Variants in PTPRQ observed in about 807,000 individuals in gnomAD.
PTPRQ encodes the protein phosphatidylinositol phosphatase PTPRQ.
In PTPRQ, 199 loss-of-function variants were observed where a neutral mutation model predicts 246.0. The ratio of observed to expected loss-of-function variants is 0.81; its 90% CI spans 0.72 to 0.91. The LOEUF is 0.91. Ranked by LOEUF, PTPRQ falls within the 40% of genes least tolerant of loss-of-function variation. The pLI, the probability that PTPRQ is intolerant of heterozygous loss-of-function variation, is 0.00. For missense variants in PTPRQ, 2,624 were observed against 2,528.4 expected (o/e 1.04, Z -0.81); for synonymous variants, 869 against 853.2 (o/e 1.02, Z -0.32).
chr12:80,472,154 C>T lies in PTPRQ; in HGVS notation c.1089C>T (p.Asn363=), dbSNP rs1489289849. 1.9e-6 allele frequency: 3 copies of T among 1,551,612 alleles called. No individual in the cohort carries two copies. The highest frequency in any genetic ancestry group is 2.6e-6 in the Non-Finnish European group (3 of 1,146,956). ...STKDLKFAFT[N]LTPFTMYDVY... is the part of the protein sequence containing the mutation. ...AAGACCTCAAGTTTGCATTCACTAA[C>T]CTAACACCATTTACAATGTATGATG... The change falls in exon 8 of 45, where the codon AAC becomes AAT. Residue 363 remains asparagine, a synonymous_variant. Transcript: ENST00000644991.
At chr12:80,629,724 A>G (rs1899350169) in intron 33 of PTPRQ, among the ~76,000 whole-genome samples, 1 of 152,164 alleles carries the variant, frequency 6.6e-6, no homozygotes, top group Non-Finnish European at 1.5e-5. Flanking sequence ...CCTTGCTTGT[A>G]TGTTGAAAAT....
chr12:80,661,266 T>A lies in PTPRQ; in HGVS notation c.6192+3205T>A, dbSNP rs1304037136. Among the ~76,000 whole-genome samples, 4 of 149,164 alleles carry A rather than the reference T, an allele frequency of 2.7e-5. No homozygotes were observed. The South Asian group carries it at 6.2e-4, about 23-fold the overall frequency. On this transcript the variant is annotated intron_variant, in intron 39 of 44. Transcript: ENST00000644991. ...GTGTATACATAAATATATTTGTATA[T>A]GTGTATATACAGTTATATTTTATAT...
intron 20 of PTPRQ, among the ~76,000 whole-genome samples, chr12:80,540,804 C>T (rs1382809504): frequency 6.6e-6 from 1 of 152,066 alleles, no homozygotes; most frequent in Non-Finnish European, 1.5e-5. Flanking sequence ...AATATATGAT[C>T]AATACCATTT....
intron 33 of PTPRQ, among the ~76,000 whole-genome samples, chr12:80,630,294 G>A (rs1255550866): frequency 2.0e-5 from 3 of 151,896 alleles, no homozygotes; most frequent in Non-Finnish European, 4.4e-5. Flanking sequence ...TTGTCACGTA[G>A]GAAGTCCCAT....
intron 25 of PTPRQ, among the ~76,000 whole-genome samples, chr12:80,562,951 G>A (rs1056734735): frequency 6.6e-6 from 1 of 151,660 alleles, no homozygotes; most frequent in African/African-American, 2.4e-5. Flanking sequence ...AAAAAAATAA[G>A]AGAATACTAC....
At chr12:80,670,530 G>A (rs1416020233) in intron 42 of PTPRQ, 38 bp downstream of exon 42, 1 of 1,426,452 alleles carries the variant, frequency 7.0e-7, no homozygotes, top group Non-Finnish European at 9.2e-7. Context: ...GAACCCATTG[G>A]TCTTTTTATT....
At position 80,549,624 on chromosome 12, in the gene PTPRQ, C is replaced by T. The variant is rs1316785779; in HGVS notation, c.4175C>T (p.Thr1392Ile). 1.9e-6 allele frequency: 3 copies of T among 1,551,114 alleles called. No individual in the cohort carries two copies. The African/African-American group carries it at 4.1e-5, about 21-fold the overall frequency. The part of the protein sequence containing the change: ...TKVSPQDHMY[T>I]FIKLLANTSY... ...GTTTCTCCCCAAGATCACATGTACA[C>T]TTTCATAAAGCTTCTTGCCAATACC... The change falls in exon 25 of 45, where the codon ACT (threonine) becomes ATT (isoleucine). Residue 1392 changes from threonine (T) to isoleucine (I), a missense_variant. Physicochemically the swap from Thr to Ile is moderately conservative, Grantham distance 89. Coordinates refer to ENST00000644991, the MANE Select transcript of PTPRQ (RefSeq NM_001145026.2).
At chr12:80,669,250 G>T (rs1320997057) in intron 40 of PTPRQ, 89 bp from the exon 41 acceptor site, 2 of 1,528,076 alleles carry the variant, frequency 1.3e-6, no homozygotes, top group South Asian at 2.5e-5. Flanking sequence ...CATCTATAAA[G>T]TAATTTTAAC....
intron 3 of PTPRQ, among the ~76,000 whole-genome samples, chr12:80,450,304 A>C (rs1892711833): frequency 6.6e-6 from 1 of 152,154 alleles, no homozygotes; most frequent in Non-Finnish European, 1.5e-5. Flanking sequence ...TTCTAGATAT[A>C]CAATCATGTC....
At chr12:80,571,134 C>T (rs1216129140) in intron 25 of PTPRQ, among the ~76,000 whole-genome samples, 1 of 152,072 alleles carries the variant, frequency 6.6e-6, no homozygotes, top group Non-Finnish European at 1.5e-5. Flanking sequence ...TCAATGGTAG[C>T]TTCAAGGGGG....
At chr12:80,623,115 C>T (rs897126375) in intron 33 of PTPRQ, among the ~76,000 whole-genome samples, 2 of 152,048 alleles carry the variant, frequency 1.3e-5, no homozygotes, top group Non-Finnish European at 2.9e-5. Context: ...TCCTGGCGAG[C>T]TGTTGCTCAG....
In PTPRQ at chr12:80,464,216, A is replaced by G. The variant is rs1302931807; in HGVS notation, c.910+3314A>G. ...AAAACAAACAAAGGCAGGGGTTGCA[A>G]TCCTAGTCTCTGATAAAACAGACTT... On this transcript the variant is annotated intron_variant, in intron 6 of 44. Transcript: ENST00000644991. 8.8e-3 allele frequency among the ~76,000 whole-genome samples: 1,285 copies of G among 145,386 alleles called. 17 individuals are homozygous for G. Among genetic ancestry groups the G allele is most frequent in the African/African-American group, 0.032 (1,243 of 38,776 alleles).
chr12:80,486,022 T>C (rs1304359433), intron 9 of PTPRQ, among the ~76,000 whole-genome samples: 3 of 152,210 alleles, frequency 2.0e-5, no homozygotes. Context: ...GTTAAGACTG[T>C]AAACCAGGTT....
At chr12:80,632,167 T>C (rs913522337) in intron 33 of PTPRQ, 25 bp from the exon 34 acceptor site, 1 of 1,538,766 alleles carries the variant, frequency 6.5e-7, no homozygotes, top group Non-Finnish European at 8.8e-7. Flanking sequence ...TAATATTTAA[T>C]GATCCTGTTA....
rs1900190887 is a variant in PTPRQ, at chr12:80,649,613, C to A, written c.5968C>A (p.Gln1990Lys). Residue 1990 changes from glutamine to lysine, a missense_variant, in exon 37 of 45, where the codon CAA becomes AAA. Coordinates refer to ENST00000644991, the MANE Select transcript of PTPRQ (RefSeq NM_001145026.2). Reference sequence around the variant, plus strand: ...GCCAATAAGCAAGAAATCCTTCCTGCAACATGTTGAAGAGCTTTGCACAAA... The same window carrying A: ...GCCAATAAGCAAGAAATCCTTCCTGAAACATGTTGAAGAGCTTTGCACAAA... ...IKPISKKSFL[Q>K]HVEELCTNNN... The A allele has an allele frequency of 1.9e-6, 3 of 1,549,672 alleles. No homozygotes were observed. The highest frequency in any genetic ancestry group is 1.7e-6 in the Non-Finnish European group (2 of 1,145,752).
intron 26 of PTPRQ, among the ~76,000 whole-genome samples, chr12:80,601,613 G>C (rs372936111): frequency 1.2e-3 from 176 of 151,806 alleles, no homozygotes; most frequent in African/African-American, 4.1e-3. Flanking sequence ...AATTGTTTCT[G>C]TCCACACTGG....
At chr12:80,631,125 T>C (rs983770596) in intron 33 of PTPRQ, among the ~76,000 whole-genome samples, 7 of 152,350 alleles carry the variant, frequency 4.6e-5, no homozygotes, top group African/African-American at 1.7e-4. Flanking sequence ...AGTCATAAAA[T>C]GTAGTTCAGA....
At chr12:80,603,196 T>A (rs922639433) in intron 26 of PTPRQ, among the ~76,000 whole-genome samples, 1 of 151,694 alleles carries the variant, frequency 6.6e-6, no homozygotes, top group African/African-American at 2.4e-5. Flanking sequence ...CTAGGTTTCA[T>A]CTCCTTCTAT....
At chr12:80,573,584 C>CT (rs1897207691) in intron 25 of PTPRQ, among the ~76,000 whole-genome samples, 1 of 151,990 alleles carries the variant, frequency 6.6e-6, no homozygotes. Context: ...TTTGCTGTAC[C>CT]TATTAACCCA....
Sources: gnomAD v4.1 joint callset for allele counts (sites outside exome capture counted in the v4.1 genomes callset) on GRCh38, gnomAD v4.1.1 for gene constraint, MANE v1.5 for transcripts, NCBI Gene and HGNC (gene_info 2026-07-23, HGNC 2026-07-21) for gene names.